Variants in C14orf39 observed in about 807,000 individuals in gnomAD.
C14orf39 encodes chromosome 14 open reading frame 39, also known as protein SIX6OS1.
Under a neutral mutation model 85.6 loss-of-function variants are expected in C14orf39, and 66 were observed. The ratio of observed to expected loss-of-function variants is 0.77; its 90% CI spans 0.63 to 0.95. The LOEUF (loss-of-function observed/expected upper bound fraction) is 0.95. Ranked by LOEUF, C14orf39 falls within the 40% of genes least tolerant of loss-of-function variation. C14orf39 has a pLI of 0.00. For missense variants in C14orf39, 735 were observed against 663.9 expected (o/e 1.11, Z -1.18); for synonymous variants, 242 against 214.0 (o/e 1.13, Z -1.14).
intron 9 of C14orf39, among the ~76,000 whole-genome samples, chr14:60,467,330 A>G (rs1052577139): frequency 2.0e-5 from 3 of 151,824 alleles, no homozygotes; most frequent in African/African-American, 7.2e-5. Flanking sequence ...CATGTCAAAA[A>G]CATTTTAAGC....
At chr14:60,496,048 T>A (rs1893065702) in intron 2 of C14orf39, 1 of 762,670 alleles carries the variant, frequency 1.3e-6, no homozygotes, top group Non-Finnish European at 2.1e-6. Flanking sequence ...TGAGGTAGCT[T>A]GGCTTGTTTC....
intron 11 of C14orf39, 81 bp from the exon 12 acceptor site, chr14:60,461,674 C>G (rs943605333): frequency 4.3e-6 from 3 of 691,180 alleles, no homozygotes; most frequent in Non-Finnish European, 7.1e-6. Context: ...ACTCAGAACT[C>G]TCATTTCATT....
intron 1 of C14orf39, among the ~76,000 whole-genome samples, chr14:60,510,815 A>G (rs1488303682): frequency 1.3e-5 from 2 of 152,236 alleles, no homozygotes; most frequent in Non-Finnish European, 2.9e-5. Flanking sequence ...CAGGGAGGAC[A>G]CTGCAAGCCC....
chr14:60,483,858 T>G (rs1210213910), intron 3 of C14orf39, 41 bp from the exon 4 acceptor site: 2 of 1,366,126 alleles, frequency 1.5e-6, no homozygotes, highest in Admixed American at 2.1e-5. Context: ...GTAGAAATAA[T>G]AAGTTCAAAA....
Position 60,494,114 on chromosome 14 carries a change from G to T in C14orf39, c.-9+5182C>A. 9.4e-6 allele frequency: 3 copies of T among 318,340 alleles called. No individual in the cohort carries two copies. The South Asian group carries it at 1.2e-4, about 13-fold the overall frequency. The allele number at this position is 318,340 out of a possible 1,614,324, so 19.7% of individuals were successfully genotyped here. On this transcript the variant is annotated intron_variant, in intron 2 of 5. Coordinates refer to the C14orf39 transcript ENST00000556799. ...GCATGCTGATGTACTGGTTCCACAC[G>T]ACAGGGTCCACATTCATCAAAGGGG...
chr14:60,462,968 A>T (rs964117770), intron 11 of C14orf39, among the ~76,000 whole-genome samples: 10 of 152,090 alleles, frequency 6.6e-5, no homozygotes, highest in African/African-American at 2.2e-4. Flanking sequence ...AATATTTCAA[A>T]TATTTCTTTC....
At chr14:60,466,116 C>A in intron 10 of C14orf39, 61 bp from the exon 11 acceptor site, 4 of 699,040 alleles carry the variant, frequency 5.7e-6, no homozygotes, top group East Asian at 3.1e-5. Context: ...GTATCTTCCC[C>A]AATGTTTAAC....
intron 16 of C14orf39, among the ~76,000 whole-genome samples, chr14:60,448,158 A>T (rs1890864824): frequency 6.6e-6 from 1 of 152,232 alleles, no homozygotes; most frequent in Non-Finnish European, 1.5e-5. Flanking sequence ...CCAAAACACC[A>T]AAAGCAATGG....
chr14:60,497,149 TG>T, intron 2 of C14orf39, among the ~76,000 whole-genome samples: 1 of 152,228 alleles, frequency 6.6e-6, no homozygotes, highest in Non-Finnish European at 1.5e-5. Context: ...AGGGGGATAT[TG>T]TACTTGCTGG....
intron 2 of C14orf39, chr14:60,496,004 G>C: frequency 1.9e-6 from 1 of 516,764 alleles, no homozygotes; most frequent in Admixed American, 2.2e-5. Flanking sequence ...TCAGTCCCAG[G>C]GACAAAGAGC....
At chr14:60,503,206 A>G (rs1893167034) in intron 1 of C14orf39, among the ~76,000 whole-genome samples, 1 of 152,136 alleles carries the variant, frequency 6.6e-6, no homozygotes, top group Middle Eastern at 3.2e-3. Context: ...ACCAGACTCC[A>G]CCAGTTTCCA....
chr14:60,482,773 T>G (rs1035929495), intron 4 of C14orf39, among the ~76,000 whole-genome samples: 13 of 152,112 alleles, frequency 8.5e-5, no homozygotes, highest in African/African-American at 3.1e-4. Context: ...ATATATAAAA[T>G]TACATGCACA....
intron 5 of C14orf39, among the ~76,000 whole-genome samples, chr14:60,477,703 T>G (rs1892448205): frequency 1.3e-5 from 2 of 152,300 alleles, no homozygotes; most frequent in Middle Eastern, 3.4e-3. Flanking sequence ...CCCGAGATGT[T>G]TGCCTAAACA....
At chr14:60,509,632 G>T (rs1447414831) in intron 1 of C14orf39, 2 of 1,613,830 alleles carry the variant, frequency 1.2e-6, no homozygotes, top group Admixed American at 3.3e-5. Context: ...AAAACCACAA[G>T]TTCACCAAGG....
chr14:60,479,418 G>C (rs758352554), intron 4 of C14orf39, among the ~76,000 whole-genome samples: 11 of 152,136 alleles, frequency 7.2e-5, no homozygotes, highest in Non-Finnish European at 1.6e-4. Flanking sequence ...GGGGGAAGAG[G>C]TGAAAAACTA....
rs1275745380 is a variant in C14orf39, at chr14:60,484,299, A to T, written c.107-482T>A. On this transcript the variant is annotated intron_variant, in intron 3 of 17. Coordinates refer to ENST00000321731, the MANE Select transcript of C14orf39 (RefSeq NM_174978.3). This position sits in a 1 kb window ranked among gnomAD's most constrained non-coding sequence, Gnocchi z 4.2. Reference sequence around the variant, plus strand: ...GAAGATAAAATGGACATAATTTCTTAAAAAGATTAAAATAAATTCTTAATA... The same window carrying T: ...GAAGATAAAATGGACATAATTTCTTTAAAAGATTAAAATAAATTCTTAATA... Among the ~76,000 whole-genome samples the T allele has an allele frequency of 2.6e-5, 4 of 152,182 alleles. No individual in the cohort carries two copies. In the South Asian group the frequency reaches 8.3e-4, roughly 32 times the overall value.
upstream of C14orf39, among the ~76,000 whole-genome samples, chr14:60,490,199 G>A (rs1371482510): frequency 6.6e-6 from 1 of 152,060 alleles, no homozygotes; most frequent in Non-Finnish European, 1.5e-5. Context: ...CCACTATACA[G>A]GTGACTCACA....
At chr14:60,511,418 C>T in intron 1 of C14orf39, 2 of 818,076 alleles carry the variant, frequency 2.4e-6, no homozygotes, top group Non-Finnish European at 2.0e-6. Context: ...CCGCGGCCGG[C>T]CTGGCTTCAC....
chr14:60,468,175 C>T (rs566854967), intron 9 of C14orf39, among the ~76,000 whole-genome samples: 1 of 151,880 alleles, frequency 6.6e-6, no homozygotes, highest in Non-Finnish European at 1.5e-5. Context: ...ATGAATTATA[C>T]AACTGACAGG....
Sources: allele counts gnomAD v4.1 joint callset (sites outside exome capture counted in the v4.1 genomes callset), GRCh38; gene constraint gnomAD v4.1.1; non-coding constraint Gnocchi (gnomAD v3.1); transcripts MANE v1.5; gene names NCBI Gene and HGNC (gene_info 2026-07-23, HGNC 2026-07-21).